LUM: variants seen among roughly 807,000 people sequenced by gnomAD.
The protein encoded by LUM is KSPG lumican.
LUM carries 13 observed loss-of-function variants against 20.5 expected under a neutral mutation model. The ratio of observed to expected loss-of-function variants is 0.63; its 90% CI spans 0.41 to 1.01. The LOEUF (loss-of-function observed/expected upper bound fraction) is 1.01. Among genes scored for constraint, LUM ranks in the 50% least tolerant of loss-of-function variants. The probability of loss-of-function intolerance (pLI) is 0.00; values close to 1 mark genes in which losing one functional copy is unlikely to be tolerated. For synonymous variants in LUM, 173 were observed against 151.5 expected (o/e 1.14, Z -1.04); for missense variants, 321 against 391.1 (o/e 0.82, Z 1.51).
At chr12:91,106,508 T>G (rs2121044089) in intron 2 of LUM, among the ~76,000 whole-genome samples, 1 of 152,076 alleles carries the variant, frequency 6.6e-6, no homozygotes, top group South Asian at 2.1e-4. Context: ...TCTATACTGC[T>G]TAAGTTGAAG....
rs1592661222 is a variant in LUM, at chr12:91,103,946, T to C, written c.*219A>G. On this transcript the variant is annotated 3_prime_UTR_variant, in exon 3 of 3. Transcript: ENST00000266718. ...AATAAAAAAACACTAAATTTACAAA[T>C]AAAGCATTGAGTTTGATGTCTATTC... 1 of 393,426 alleles carries C rather than the reference T, an allele frequency of 2.5e-6. No homozygotes were observed. Among genetic ancestry groups the C allele is most frequent in the African/African-American group, 2.1e-5 (1 of 47,932 alleles). The allele number at this position is 393,426 out of a possible 1,614,324, so 24.4% of individuals were successfully genotyped here.
intron 1 of LUM, 38 bp from the exon 2 acceptor site, chr12:91,109,038 T>C: frequency 2.2e-6 from 3 of 1,362,666 alleles, no homozygotes; most frequent in Non-Finnish European, 2.0e-6. Flanking sequence ...TAAAAAAATA[T>C]ATACTTTCAA....
Position 91,108,508 on chromosome 12 carries a change from A to G in LUM, c.472T>C (p.Leu158=), listed in dbSNP as rs374072112. ...AGATGGATGAAGGTCAGGTTTACCA[A>G]TCCTTCAAAAGAGCCCAGCTTTGTG... is the stretch of plus-strand genomic sequence containing the variant. The part of the protein sequence containing the change: ...KITKLGSFEG[L]VNLTFIHLQH... Residue 158 remains leucine, a synonymous_variant, in exon 2 of 3, where the codon TTG becomes CTG. Transcript: ENST00000266718. This position sits in a 1 kb window ranked among gnomAD's most constrained non-coding sequence, Gnocchi z 4.2. 4 of 1,613,606 alleles carry G rather than the reference A, an allele frequency of 2.5e-6. No homozygotes were observed. The East Asian group carries it at 8.9e-5, about 36-fold the overall frequency.
Position 91,108,206 on chromosome 12 carries a change from C to T in LUM, c.774G>A (p.Glu258=), listed in dbSNP as rs1255525704. The change falls in exon 2 of 3, where the codon GAG becomes GAA. Residue 258 remains glutamate, a synonymous_variant. Coordinates refer to ENST00000266718, the MANE Select transcript of LUM (RefSeq NM_002345.4). The surrounding 1 kb of genome is among the most constrained non-coding windows in gnomAD (Gnocchi z 4.2). ...TAAGCTTGTTATAGGACAGATCCAGCTCAACCAGGGATGACACATTGAAAG... is the reference window on the plus strand; with the variant it reads ...TAAGCTTGTTATAGGACAGATCCAGTTCAACCAGGGATGACACATTGAAAG... ...GNSFNVSSLV[E]LDLSYNKLKN... is the part of the protein sequence containing the mutation. The T allele has an allele frequency of 4.3e-6, 7 of 1,613,990 alleles. No homozygotes were observed. In the Admixed American group the frequency reaches 5.0e-5, roughly 12 times the overall value.
chr12:91,104,418 T>G, intron 2 of LUM, 99 bp from the exon 3 acceptor site: 2 of 796,048 alleles, frequency 2.5e-6, no homozygotes, highest in Non-Finnish European at 3.9e-6. Context: ...ATAGGACCTC[T>G]TCCCATTTAG....
chr12:91,110,537 T>C (rs1880181480), intron 1 of LUM, among the ~76,000 whole-genome samples: 1 of 152,204 alleles, frequency 6.6e-6, no homozygotes, highest in Non-Finnish European at 1.5e-5. Context: ...CGTGATGACA[T>C]ATTCCCAGAG....
At position 91,108,880 on chromosome 12, in the gene LUM, A is replaced by G. The variant is rs777232934; in HGVS notation, c.100T>C (p.Ser34Pro). 2 of 1,614,030 alleles carry G rather than the reference A, an allele frequency of 1.2e-6. No homozygotes were observed. The highest frequency in any genetic ancestry group is 3.3e-5 in the Admixed American group (2 of 60,006). ...DFPLSIYGQS[S>P]PNCAPECNCP... Reference sequence around the variant, plus strand: ...TTACATTCTGGTGCACAGTTTGGTGATGATTGCCCATAAATTGATAGGGGA... The same window carrying G: ...TTACATTCTGGTGCACAGTTTGGTGGTGATTGCCCATAAATTGATAGGGGA... The change falls in exon 2 of 3, where the codon TCA (serine) becomes CCA (proline). Residue 34 changes from serine to proline, a missense_variant. By Grantham distance (74) the Ser-to-Pro change is moderately conservative. Coordinates refer to ENST00000266718, the MANE Select transcript of LUM (RefSeq NM_002345.4). This position sits in a 1 kb window ranked among gnomAD's most constrained non-coding sequence, Gnocchi z 4.2.
chr12:91,108,712 T>C lies in LUM; in HGVS notation c.268A>G (p.Thr90Ala), dbSNP rs1157642500. ...HIDEKAFENVTDLQWLILDHN... is the reference protein window; with the variant it reads ...HIDEKAFENVADLQWLILDHN... ...TCTAGAATGAGCCACTGCAGATCAG[T>C]TACATTCTCAAAGGCCTTTTCATCA... Residue 90 changes from threonine to alanine, a missense_variant, in exon 2 of 3, where the codon ACT becomes GCT. Coordinates refer to ENST00000266718, the MANE Select transcript of LUM (RefSeq NM_002345.4). This position sits in a 1 kb window ranked among gnomAD's most constrained non-coding sequence, Gnocchi z 4.2. The C allele has an allele frequency of 1.2e-6, 2 of 1,614,080 alleles. No individual in the cohort carries two copies. The highest frequency in any genetic ancestry group is 1.7e-5 in the Admixed American group (1 of 60,018).
intron 2 of LUM, among the ~76,000 whole-genome samples, chr12:91,107,281 AAGAAAG>A (rs1326832382): frequency 0.05 from 5,055 of 101,156 alleles, 90 homozygotes; most frequent in Non-Finnish European, 0.057. Flanking sequence ...GAAAGAAAGA[AAGAAAG>A]AGAAAGAAAG....
chr12:91,105,701 GA>G (rs1470538825), intron 2 of LUM, among the ~76,000 whole-genome samples: 1 of 152,196 alleles, frequency 6.6e-6, no homozygotes, highest in Non-Finnish European at 1.5e-5. Context: ...CTTTTCAAAT[GA>G]CCACTATGTA....
At position 91,108,402 on chromosome 12, in the gene LUM, A is replaced by T. The variant is rs140250163; in HGVS notation, c.578T>A (p.Phe193Tyr). 3.1e-6 allele frequency: 5 copies of T among 1,614,072 alleles called. No homozygotes were observed. The African/African-American group carries it at 6.7e-5, about 22-fold the overall frequency. The change falls in exon 2 of 3, where the codon TTC (phenylalanine) becomes TAC (tyrosine). Residue 193 changes from phenylalanine to tyrosine, a missense_variant. Coordinates refer to ENST00000266718, the MANE Select transcript of LUM (RefSeq NM_002345.4). The surrounding 1 kb of genome is among the most constrained non-coding windows in gnomAD (Gnocchi z 4.2). The stretch of plus-strand genomic sequence containing the variant: ...AGAAGGCAGTCTGGCTATCTGATTG[A>T]AGCTCAAGTCAAGGTATTCGAGTGA... ...LKSLEYLDLSFNQIARLPSGL... is the reference protein window; with the variant it reads ...LKSLEYLDLSYNQIARLPSGL...
Position 91,108,325 on chromosome 12 carries a change from T to C in LUM, c.655A>G (p.Asn219Asp). 2 of 1,614,192 alleles carry C rather than the reference T, an allele frequency of 1.2e-6. No homozygotes were observed. The highest frequency in any genetic ancestry group is 1.7e-6 in the Non-Finnish European group (2 of 1,180,000). Residue 219 changes from asparagine to aspartate, a missense_variant, in exon 2 of 3, where the codon AAC becomes GAC. Transcript: ENST00000266718. The surrounding 1 kb of genome is among the most constrained non-coding windows in gnomAD (Gnocchi z 4.2). ...TLYLDNNKIS[N>D]IPDEYFKRFN... is the part of the protein sequence containing the mutation. ...CGCTTGAAATACTCATCAGGGATGT[T>C]GCTGATCTTATTGTTGTCTAAGTAG...
rs1442961158 is a variant in LUM, at chr12:91,108,641, A to G, written c.339T>C (p.Ser113=). 2 of 1,613,904 alleles carry G rather than the reference A, an allele frequency of 1.2e-6. No homozygotes were observed. Among genetic ancestry groups the G allele is most frequent in the African/African-American group, 1.3e-5 (1 of 74,892 alleles). ...ENSKIKGRVF[S]KLKQLKKLHI... is the part of the protein sequence containing the mutation. ...GCAGCTTCTTCAGTTGTTTCAATTTAGAGAAAACTCTCCCTTTTATCTTGG... is the reference window on the plus strand; with the variant it reads ...GCAGCTTCTTCAGTTGTTTCAATTTGGAGAAAACTCTCCCTTTTATCTTGG... Residue 113 remains serine (S), a synonymous_variant, in exon 2 of 3, where the codon TCT becomes TCC. Coordinates refer to ENST00000266718, the MANE Select transcript of LUM (RefSeq NM_002345.4). This position sits in a 1 kb window ranked among gnomAD's most constrained non-coding sequence, Gnocchi z 4.2.
chr12:91,107,795 A>G (rs970277807), intron 2 of LUM, among the ~76,000 whole-genome samples: 2 of 151,756 alleles, frequency 1.3e-5, no homozygotes, highest in Non-Finnish European at 2.9e-5. Flanking sequence ...GGCTCACTGC[A>G]ACCTCTATCT....
chr12:91,106,932 G>A (rs1880047658), intron 2 of LUM, among the ~76,000 whole-genome samples: 1 of 151,840 alleles, frequency 6.6e-6, no homozygotes, highest in Non-Finnish European at 1.5e-5. Context: ...AGTACTTTGG[G>A]AGGCCAAGGC....
Position 91,103,257 on chromosome 12 carries a change from A to AT in LUM, c.*907dup, listed in dbSNP as rs1879948147. On this transcript the variant is annotated 3_prime_UTR_variant, in exon 3 of 3. Transcript: ENST00000266718. ...ACCAAGGAGTGAGTGCTGAGATCAC[A>AT]TAGCAGCTTCTTATCTAATAGAATA... The AT allele has an allele frequency of 6.6e-6, 1 of 152,118 alleles. No homozygotes were observed. Among genetic ancestry groups the AT allele is most frequent in the South Asian group, 2.1e-4 (1 of 4,832 alleles). 9.4% of individuals were successfully genotyped at this position (152,118 alleles called of 1,614,324 possible).
At chr12:91,104,932 C>A (rs1304648866) in intron 2 of LUM, among the ~76,000 whole-genome samples, 1 of 152,072 alleles carries the variant, frequency 6.6e-6, no homozygotes, top group Non-Finnish European at 1.5e-5. Context: ...TGTCCATGGT[C>A]AAAAAGCTGC....
At chr12:91,109,400 C>T (rs1433724950) in intron 1 of LUM, among the ~76,000 whole-genome samples, 5 of 152,184 alleles carry the variant, frequency 3.3e-5, no homozygotes, top group African/African-American at 1.2e-4. Flanking sequence ...TAACTGTATA[C>T]TCTACCCTAC....
chr12:91,107,238 GGAAAGAAAGAAAGAAAGAAA>G (rs1555188589), intron 2 of LUM, among the ~76,000 whole-genome samples: 15 of 67,294 alleles, frequency 2.2e-4, no homozygotes, highest in South Asian at 7.0e-4. Flanking sequence ...AAGAAAGAAA[GGAAAGAAAGAAAGAAAGAAA>G]GAAAGAAAGA....
Sources: gnomAD v4.1 joint callset for allele counts (sites outside exome capture counted in the v4.1 genomes callset) on GRCh38, gnomAD v4.1.1 for gene constraint, Gnocchi (gnomAD v3.1) non-coding constraint, MANE v1.5 for transcripts, NCBI Gene and HGNC (gene_info 2026-07-23, HGNC 2026-07-21) for gene names.